The following DPYD variants were observed in gnomAD, a reference collection of about 807,000 sequenced individuals.
The protein encoded by DPYD is dihydropyrimidine dehydrogenase.
In DPYD, 109 loss-of-function variants were observed where a neutral mutation model predicts 116.2. The ratio of observed to expected loss-of-function variants is 0.94; its 90% CI spans 0.80 to 1.10. The LOEUF is 1.10. Ranked by LOEUF, DPYD falls within the 50% of genes least tolerant of loss-of-function variation. The pLI, the probability that DPYD is intolerant of heterozygous loss-of-function variation, is 0.00. For synonymous variants in DPYD, 440 were observed against 432.0 expected, an observed-to-expected ratio of 1.02 and a Z score of -0.23; for missense variants, 1,302 against 1,254.5, an observed-to-expected ratio of 1.04 and a Z score of -0.57.
At chr1:97,428,970 A>C (rs747649711) in intron 14 of DPYD, among the ~76,000 whole-genome samples, 6 of 152,118 alleles carry the variant, frequency 3.9e-5, no homozygotes, top group Non-Finnish European at 8.8e-5. Flanking sequence ...AAGTTTTATA[A>C]GGATTCAAAT....
At chr1:97,876,945 C>T (rs746958725) in intron 2 of DPYD, among the ~76,000 whole-genome samples, 3 of 151,880 alleles carry the variant, frequency 2.0e-5, no homozygotes. Flanking sequence ...AAAATGAGGA[C>T]CAAAAGCAAA....
intron 4 of DPYD, among the ~76,000 whole-genome samples, chr1:97,729,419 T>C (rs746169793): frequency 6.6e-6 from 1 of 152,184 alleles, no homozygotes; most frequent in African/African-American, 2.4e-5. Flanking sequence ...TATTCCATTA[T>C]GTACTATACA....
intron 20 of DPYD, among the ~76,000 whole-genome samples, chr1:97,148,328 A>T (rs748993351): frequency 2.0e-5 from 3 of 151,988 alleles, no homozygotes; most frequent in Non-Finnish European, 2.9e-5. Flanking sequence ...CCCTGATGAA[A>T]GTTCCATACT....
At chr1:97,821,316 A>G (rs1047065211) in intron 3 of DPYD, among the ~76,000 whole-genome samples, 1 of 131,014 alleles carries the variant, frequency 7.6e-6, no homozygotes, top group Admixed American at 8.6e-5. Context: ...GGACAACAAG[A>G]CTGAAACTCC....
chr1:97,123,435 C>A (rs1389340776), intron 20 of DPYD, among the ~76,000 whole-genome samples: 1 of 152,036 alleles, frequency 6.6e-6, no homozygotes, highest in South Asian at 2.1e-4. Flanking sequence ...AGTAAAAATT[C>A]ATCTGAGTAG....
intron 3 of DPYD, among the ~76,000 whole-genome samples, chr1:97,768,964 A>G (rs1453701824): frequency 6.6e-6 from 1 of 151,994 alleles, no homozygotes; most frequent in Non-Finnish European, 1.5e-5. Context: ...TCCACAAAAT[A>G]AAGAAAAAAA....
At chr1:97,518,942 G>T (rs59687693) in intron 12 of DPYD, among the ~76,000 whole-genome samples, 6,274 of 152,012 alleles carry the variant, frequency 0.041, 443 homozygotes, top group African/African-American at 0.14. Flanking sequence ...TATCTATTTT[G>T]CTGTACGTTT....
At chr1:97,783,830 T>G (rs528791064) in intron 3 of DPYD, among the ~76,000 whole-genome samples, 13 of 152,328 alleles carry the variant, frequency 8.5e-5, no homozygotes, top group African/African-American at 1.2e-4. Context: ...CAGTAATTTA[T>G]TCTAAATCCC....
chr1:97,719,998 G>A (rs1662828162), intron 5 of DPYD: 43 of 984,928 alleles, frequency 4.4e-5, no homozygotes, highest in Non-Finnish European at 4.9e-5. Flanking sequence ...TGTTCTGAAG[G>A]CACATGTCTC....
chr1:97,851,276 T>C (rs1670556017), intron 2 of DPYD, among the ~76,000 whole-genome samples: 1 of 130,732 alleles, frequency 7.6e-6, no homozygotes, highest in Admixed American at 7.8e-5. Flanking sequence ...ATGTCACTTC[T>C]GTTGCCCTTT....
rs938408575 is a variant in DPYD, at chr1:97,601,885, CAAT to C, written c.851-6722_851-6720del. Among the ~76,000 whole-genome samples the C allele has an allele frequency of 2.0e-5, 3 of 152,072 alleles. No homozygotes were observed. In the East Asian group the frequency reaches 5.8e-4, roughly 29 times the overall value. Reference sequence around the variant, plus strand: ...TATGAAATTAGATCACCATGCATCACAATAATATTCATTTCATTGATTTTTGAA... The same window carrying C: ...TATGAAATTAGATCACCATGCATCACAATATTCATTTCATTGATTTTTGAA... On this transcript the variant is annotated intron_variant, in intron 8 of 22. Coordinates refer to ENST00000370192, the MANE Select transcript of DPYD (RefSeq NM_000110.4).
At chr1:97,348,149 A>G (rs1669953319) in intron 16 of DPYD, among the ~76,000 whole-genome samples, 1 of 152,174 alleles carries the variant, frequency 6.6e-6, no homozygotes. Flanking sequence ...AAACAGAAGA[A>G]AAATTAAATG....
chr1:97,289,874 A>G (rs1666011989), intron 18 of DPYD, among the ~76,000 whole-genome samples: 1 of 151,056 alleles, frequency 6.6e-6, no homozygotes, highest in South Asian at 2.1e-4. Flanking sequence ...AGGGTATTCA[A>G]TTAGGAAAAG....
intron 6 of DPYD, among the ~76,000 whole-genome samples, chr1:97,699,126 A>G (rs1436720251): frequency 6.6e-6 from 1 of 152,122 alleles, no homozygotes; most frequent in African/African-American, 2.4e-5. Context: ...GATTTCTCTT[A>G]AATTCACAGA....
intron 2 of DPYD, among the ~76,000 whole-genome samples, chr1:97,870,496 T>A (rs1671600873): frequency 6.6e-6 from 1 of 151,798 alleles, no homozygotes; most frequent in East Asian, 1.9e-4. Flanking sequence ...TTTAAGTGCA[T>A]GACTGCAGGA....
At chr1:97,192,090 A>G (rs1658412550) in intron 20 of DPYD, among the ~76,000 whole-genome samples, 1 of 147,942 alleles carries the variant, frequency 6.8e-6, no homozygotes, top group Non-Finnish European at 1.5e-5. Context: ...ACTTGCAACC[A>G]TACACATTAC....
chr1:97,654,941 G>A (rs147463831), intron 8 of DPYD, among the ~76,000 whole-genome samples: 2 of 152,038 alleles, frequency 1.3e-5, no homozygotes, highest in Middle Eastern at 6.8e-3. Flanking sequence ...AAGAGAAAAG[G>A]GTTTCCCTTA....
intron 20 of DPYD, among the ~76,000 whole-genome samples, chr1:97,188,106 A>G (rs988306946): frequency 5.3e-5 from 8 of 152,152 alleles, no homozygotes; most frequent in African/African-American, 1.9e-4. Context: ...ATAACTGAGA[A>G]TGATGTATCT....
In DPYD at chr1:97,740,453, C is replaced by A. The variant is rs528152707; in HGVS notation, c.260G>T (p.Cys87Phe). The stretch of plus-strand genomic sequence containing the variant: ...AAGATTAGTTGGACAGCTCTTCTGA[C>A]ACGGGGCATCTGCACATTTCAGGCA... Reference protein sequence around the residue: ...MRCLKCADAPCQKSCPTNLDI... With the variant: ...MRCLKCADAPFQKSCPTNLDI... Residue 87 changes from cysteine to phenylalanine, a missense_variant, in exon 4 of 23, where the codon TGT becomes TTT. By Grantham distance (205) the Cys-to-Phe change is radical. Transcript: ENST00000370192. 9.9e-6 allele frequency: 16 copies of A among 1,613,138 alleles called. 1 individual carries two copies. The South Asian group carries it at 1.8e-4, about 18-fold the overall frequency.
Sources: allele counts gnomAD v4.1 joint callset (sites outside exome capture counted in the v4.1 genomes callset), GRCh38; gene constraint gnomAD v4.1.1; transcripts MANE v1.5; gene names NCBI Gene and HGNC (gene_info 2026-07-23, HGNC 2026-07-21).